Variants in NTM observed in about 807,000 individuals in gnomAD.
The protein encoded by NTM is IgLON family member 2.
A neutral mutation model predicts 42.1 loss-of-function variants in NTM; 13 were observed. The ratio of observed to expected loss-of-function variants is 0.31; its 90% CI spans 0.20 to 0.49. NTM has a LOEUF of 0.49. Among genes scored for constraint, NTM ranks in the 20% least tolerant of loss-of-function variants. The pLI, the probability that NTM is intolerant of heterozygous loss-of-function variation, is 0.99. For missense variants in NTM, 373 were observed against 452.8 expected, an observed-to-expected ratio of 0.82 and a Z score of 1.60; for synonymous variants, 187 against 179.2, an observed-to-expected ratio of 1.04 and a Z score of -0.35.
chr11:131,912,550 A>G (rs1270078543), intron 2 of NTM, among the ~76,000 whole-genome samples: 2 of 152,200 alleles, frequency 1.3e-5, no homozygotes, highest in Non-Finnish European at 2.9e-5. Flanking sequence ...CGGGCAAAAC[A>G]CTTAATGATT....
intron 2 of NTM, among the ~76,000 whole-genome samples, chr11:132,128,017 T>TATGG (rs1472413858): frequency 6.6e-6 from 1 of 152,174 alleles, no homozygotes; most frequent in Non-Finnish European, 1.5e-5. Flanking sequence ...GATATTCTCA[T>TATGG]ATTTGGGCAC....
chr11:131,560,418 C>G (rs1422277957), intron 1 of NTM, among the ~76,000 whole-genome samples: 1 of 152,134 alleles, frequency 6.6e-6, no homozygotes, highest in Non-Finnish European at 1.5e-5. Flanking sequence ...CATCAATTCT[C>G]TAGTAATCAT....
chr11:132,090,726 A>C (rs1312656510), intron 2 of NTM, among the ~76,000 whole-genome samples: 1 of 152,138 alleles, frequency 6.6e-6, no homozygotes, highest in South Asian at 2.1e-4. Context: ...AGATGTGGCA[A>C]TGCATGGCTT....
intron 1 of NTM, among the ~76,000 whole-genome samples, chr11:131,719,179 G>T (rs1234123086): frequency 2.0e-5 from 3 of 152,106 alleles, no homozygotes; most frequent in Non-Finnish European, 4.4e-5. Context: ...TGAAGTGCTG[G>T]GATTACAGAC....
intron 2 of NTM, among the ~76,000 whole-genome samples, chr11:131,968,241 G>C (rs892887343): frequency 5.9e-5 from 9 of 152,168 alleles, no homozygotes; most frequent in African/African-American, 2.2e-4. Flanking sequence ...GCTCATGTCA[G>C]AGAGAAACAG....
At chr11:131,972,208 G>C (rs949412394) in intron 2 of NTM, among the ~76,000 whole-genome samples, 4 of 152,056 alleles carry the variant, frequency 2.6e-5, no homozygotes, top group Non-Finnish European at 5.9e-5. Flanking sequence ...GTAAGACTCT[G>C]ACTCAAATAA....
At chr11:131,602,828 A>G (rs1008492676) in intron 1 of NTM, among the ~76,000 whole-genome samples, 1 of 152,168 alleles carries the variant, frequency 6.6e-6, no homozygotes, top group Non-Finnish European at 1.5e-5. Flanking sequence ...TTGACTCAAG[A>G]GCTCATGCTA....
intron 2 of NTM, among the ~76,000 whole-genome samples, chr11:131,953,736 A>C (rs529427659): frequency 6.6e-6 from 1 of 152,292 alleles, no homozygotes; most frequent in Admixed American, 6.5e-5. Flanking sequence ...TTTCTAATGA[A>C]AAAGAAGGAG....
chr11:131,546,897 C>T (rs1418946329), intron 1 of NTM: 1 of 152,500 alleles, frequency 6.6e-6, no homozygotes, highest in African/African-American at 2.4e-5. Context: ...CCTCAGGAGC[C>T]CGCAGGTGTT....
rs187514087 is a variant in NTM, at chr11:132,049,260, G to A, written c.168-97022G>A. On this transcript the variant is annotated intron_variant, in intron 2 of 8. Coordinates refer to ENST00000683400, the MANE Select transcript of NTM (RefSeq NM_001352005.2). Reference sequence around the variant, plus strand: ...GAACACTTCCTCCAAGTGACCCCTGGAGGAAGACACCCCCAGGCGGCCCAG... The same window carrying A: ...GAACACTTCCTCCAAGTGACCCCTGAAGGAAGACACCCCCAGGCGGCCCAG... 1.4e-3 allele frequency among the ~76,000 whole-genome samples: 211 copies of A among 152,200 alleles called. 1 individual carries two copies. Among genetic ancestry groups the A allele is most frequent in the African/African-American group, 4.6e-3 (191 of 41,538 alleles).
chr11:132,160,341 T>C (rs1397996080), intron 3 of NTM, among the ~76,000 whole-genome samples: 2 of 152,214 alleles, frequency 1.3e-5, no homozygotes, highest in African/African-American at 4.8e-5. Flanking sequence ...GGGTCAGCCT[T>C]GGCCACAGCA....
chr11:131,390,030 G>T (rs1943809080), intron 1 of NTM, among the ~76,000 whole-genome samples: 2 of 152,138 alleles, frequency 1.3e-5, no homozygotes, highest in South Asian at 4.2e-4. Flanking sequence ...GCATTGCTAT[G>T]AAGGAATACC....
intron 1 of NTM, among the ~76,000 whole-genome samples, chr11:131,385,893 A>G (rs1375463158): frequency 6.6e-6 from 1 of 152,198 alleles, no homozygotes; most frequent in Non-Finnish European, 1.5e-5. Flanking sequence ...AACATTAAAC[A>G]TACTAAATCA....
At chr11:131,469,204 A>G (rs1404892088) in intron 1 of NTM, among the ~76,000 whole-genome samples, 1 of 152,152 alleles carries the variant, frequency 6.6e-6, no homozygotes, top group Non-Finnish European at 1.5e-5. Flanking sequence ...ACCTCTGCTA[A>G]CGTGTGTGGG....
intron 1 of NTM, among the ~76,000 whole-genome samples, chr11:131,624,983 TA>T (rs1274016208): frequency 6.6e-5 from 10 of 152,220 alleles, no homozygotes; most frequent in Non-Finnish European, 1.3e-4. Flanking sequence ...TCCAAGTACT[TA>T]AAAATCACCA....
chr11:131,936,337 T>C (rs955670966), intron 2 of NTM, among the ~76,000 whole-genome samples: 1 of 152,198 alleles, frequency 6.6e-6, no homozygotes, highest in Non-Finnish European at 1.5e-5. Flanking sequence ...CACATGTCTT[T>C]TGTCCGTCCT....
chr11:131,541,372 C>T (rs1303663933), intron 1 of NTM, among the ~76,000 whole-genome samples: 1 of 152,100 alleles, frequency 6.6e-6, no homozygotes, highest in Non-Finnish European at 1.5e-5. Flanking sequence ...TCCTGGATGC[C>T]CTTCTTGGTT....
At chr11:132,093,700 C>A (rs932909745) in intron 2 of NTM, among the ~76,000 whole-genome samples, 1 of 152,174 alleles carries the variant, frequency 6.6e-6, no homozygotes, top group East Asian at 1.9e-4. Flanking sequence ...GTGTTGGGCA[C>A]TGTTTACTTG....
At chr11:132,289,472 G>C (rs570743676) in intron 4 of NTM, among the ~76,000 whole-genome samples, 3 of 152,122 alleles carry the variant, frequency 2.0e-5, no homozygotes, top group Non-Finnish European at 4.4e-5. Context: ...CCTTCTCTCC[G>C]TGATTTCCCC....
Sources: gnomAD v4.1 joint callset for allele counts (sites outside exome capture counted in the v4.1 genomes callset) on GRCh38, gnomAD v4.1.1 for gene constraint, MANE v1.5 for transcripts, NCBI Gene and HGNC (gene_info 2026-07-23, HGNC 2026-07-21) for gene names.